MALRD1: variants seen among roughly 807,000 people sequenced by gnomAD.
The protein encoded by MALRD1 is MAM and LDL receptor class A domain containing 1, also known as MAM and LDL-receptor class A domain-containing protein 1.
A neutral mutation model predicts 242.1 loss-of-function variants in MALRD1; 247 were observed. The ratio of observed to expected loss-of-function variants is 1.02; its 90% CI spans 0.92 to 1.13. MALRD1 has a LOEUF of 1.13. Ranked by LOEUF, MALRD1 falls within the 50% of genes most tolerant of loss-of-function variation. The pLI, the probability that MALRD1 is intolerant of heterozygous loss-of-function variation, is 0.00. For synonymous variants in MALRD1, 995 were observed against 866.6 expected, an observed-to-expected ratio of 1.15 and a Z score of -2.60; for missense variants, 2,989 against 2,533.1, an observed-to-expected ratio of 1.18 and a Z score of -3.86.
intron 36 of MALRD1, among the ~76,000 whole-genome samples, chr10:19,623,112 C>T (rs1405693933): frequency 6.6e-6 from 1 of 151,870 alleles, no homozygotes; most frequent in East Asian, 1.9e-4. Flanking sequence ...TTCAATGACT[C>T]AAATGCAATT....
intron 21 of MALRD1, among the ~76,000 whole-genome samples, chr10:19,314,184 A>G (rs1168971664): frequency 6.6e-6 from 1 of 151,598 alleles, no homozygotes; most frequent in Non-Finnish European, 1.5e-5. Flanking sequence ...ATTGGTATGT[A>G]TAACTTATAA....
At chr10:19,200,785 A>C (rs1334042913) in intron 14 of MALRD1, among the ~76,000 whole-genome samples, 1 of 151,474 alleles carries the variant, frequency 6.6e-6, no homozygotes, top group East Asian at 2.0e-4. Context: ...CTCCAGGGGC[A>C]ACTGCTGTGA....
At chr10:19,287,351 G>A (rs922127572) in intron 21 of MALRD1, among the ~76,000 whole-genome samples, 5 of 151,828 alleles carry the variant, frequency 3.3e-5, no homozygotes, top group African/African-American at 1.2e-4. Flanking sequence ...CTATTAAGAG[G>A]AATAAAACCT....
chr10:19,575,483 T>TCACACACACACACACA (rs66882231), intron 33 of MALRD1, among the ~76,000 whole-genome samples: 2 of 148,448 alleles, frequency 1.3e-5, no homozygotes, highest in African/African-American at 5.0e-5. Flanking sequence ...AGGCCATGGT[T>TCACACACACACACACA]CACACACACA....
In MALRD1 at chr10:19,689,991, A is replaced by G. The variant is rs541601152; in HGVS notation, c.6138-2291A>G. ...TACTGAAATCTATTAAAATTTATAG[A>G]AGGTAAATTATCTCGAAAACATGTA... On this transcript the variant is annotated intron_variant, in intron 36 of 39. Transcript: ENST00000454679. Among the ~76,000 whole-genome samples, 5 of 152,212 alleles carry G rather than the reference A, an allele frequency of 3.3e-5. No homozygotes were observed. In the South Asian group the frequency reaches 1.0e-3, roughly 32 times the overall value.
chr10:19,692,788 T>G, intron 38 of MALRD1, among the ~76,000 whole-genome samples: 1 of 44,092 alleles, frequency 2.3e-5, no homozygotes, highest in African/African-American at 7.8e-5. Flanking sequence ...TAGGAGCCTT[T>G]TTGAGGGCGT....
At chr10:19,596,549 T>C (rs1589286301) in intron 34 of MALRD1, among the ~76,000 whole-genome samples, 2 of 151,878 alleles carry the variant, frequency 1.3e-5, no homozygotes, top group African/African-American at 4.8e-5. Context: ...GGCAACATAG[T>C]GAGAACCCAT....
At position 19,380,589 on chromosome 10, in the gene MALRD1, T is replaced by G. The variant is rs571314836; in HGVS notation, c.4442-6939T>G. 3.3e-5 allele frequency among the ~76,000 whole-genome samples: 5 copies of G among 152,226 alleles called. No homozygotes were observed. In the South Asian group the frequency reaches 1.0e-3, roughly 32 times the overall value. ...CAATTTTCTCTTCCTCTTACATTTT[T>G]ATATAGTCTTTACCATAGAAGTTTA... On this transcript the variant is annotated intron_variant, in intron 26 of 39. Transcript: ENST00000454679.
chr10:19,602,854 C>A (rs1362092279), intron 34 of MALRD1, among the ~76,000 whole-genome samples: 1 of 152,030 alleles, frequency 6.6e-6, no homozygotes, highest in African/African-American at 2.4e-5. Flanking sequence ...CTCTCCAGCA[C>A]CTGTTGTTTC....
At chr10:19,066,593 C>T (rs375812049) in intron 1 of MALRD1, 126 bp from the exon 2 acceptor site, 4 of 714,482 alleles carry the variant, frequency 5.6e-6, no homozygotes, top group Non-Finnish European at 5.8e-6. Context: ...TAGACTTAGA[C>T]TTATAAGGAA....
intron 38 of MALRD1, among the ~76,000 whole-genome samples, chr10:19,727,602 C>G (rs1371945831): frequency 1.3e-5 from 2 of 152,100 alleles, no homozygotes; most frequent in Non-Finnish European, 2.9e-5. Context: ...AACTTCCTTT[C>G]CTCTACTCAA....
chr10:19,588,886 G>A (rs1837599193), intron 33 of MALRD1, among the ~76,000 whole-genome samples: 1 of 152,114 alleles, frequency 6.6e-6, no homozygotes, highest in Non-Finnish European at 1.5e-5. Context: ...CAAGTCATCC[G>A]ACCGCCTTGG....
chr10:19,526,727 T>C (rs528657914), intron 31 of MALRD1, among the ~76,000 whole-genome samples: 1 of 152,280 alleles, frequency 6.6e-6, no homozygotes, highest in Admixed American at 6.5e-5. Context: ...ATGACATTGA[T>C]TGTCCTGTGC....
At position 19,352,038 on chromosome 10, in the gene MALRD1, C is replaced by A; in HGVS notation, c.4182C>A (p.Gly1394=). ...IIFHYHMYGN[G]IGALTLMQVS... is the part of the protein sequence containing the mutation. ...TTCATTATCACATGTATGGAAATGG[C>A]ATTGGGGCACTCACCTTAATGCAGG... The change falls in exon 26 of 40, where the codon GGC becomes GGA. Residue 1394 remains glycine, a synonymous_variant. Transcript: ENST00000454679. 6.5e-7 allele frequency: 1 copy of A among 1,549,882 alleles called. No homozygotes were observed. The highest frequency in any genetic ancestry group is 8.7e-7 in the Non-Finnish European group (1 of 1,146,496).
chr10:19,386,947 C>T (rs7073063), intron 26 of MALRD1, among the ~76,000 whole-genome samples: 132,864 of 152,166 alleles, frequency 0.87, 58,245 homozygotes, highest in African/African-American at 0.92. Context: ...CATTGCATTG[C>T]AGAAAAATTG....
At chr10:19,459,785 AATG>A (rs1293853466) in intron 29 of MALRD1, among the ~76,000 whole-genome samples, 3 of 151,050 alleles carry the variant, frequency 2.0e-5, no homozygotes, top group Non-Finnish European at 4.4e-5. Flanking sequence ...ATCATATTAT[AATG>A]ATAAATATTA....
rs1212972207 is a variant in MALRD1, at chr10:19,205,169, C to A, written c.2482C>A (p.His828Asn). 1.3e-6 allele frequency: 2 copies of A among 1,550,820 alleles called. No individual in the cohort carries two copies. Among genetic ancestry groups the A allele is most frequent in the Admixed American group, 2.0e-5 (1 of 50,958 alleles). The change falls in exon 17 of 40, where the codon CAT (histidine) becomes AAT (asparagine). Residue 828 changes from histidine (H) to asparagine (N), a missense_variant. His to Asn is a moderately conservative substitution (Grantham distance 68, BLOSUM62 1). Coordinates refer to ENST00000454679, the MANE Select transcript of MALRD1 (RefSeq NM_001142308.3). The part of the protein sequence containing the change: ...LPAESCEGLD[H>N]FWCRHTRACI... ...TGCTGAGAGCTGTGAAGGGCTGGAT[C>A]ATTTCTGGTGTCGCCACACCAGGGC...
chr10:19,164,182 A>T, intron 12 of MALRD1, among the ~76,000 whole-genome samples: 1 of 135,060 alleles, frequency 7.4e-6, no homozygotes, highest in Non-Finnish European at 1.7e-5. Flanking sequence ...TGAAATAAAC[A>T]ATCAGAATTT....
At chr10:19,319,272 A>G (rs372327592) in intron 21 of MALRD1, among the ~76,000 whole-genome samples, 60 of 152,252 alleles carry the variant, frequency 3.9e-4, no homozygotes, top group African/African-American at 1.3e-3. Context: ...CTTTCATTCC[A>G]AGTATAATCT....
Sources: allele counts gnomAD v4.1 joint callset (sites outside exome capture counted in the v4.1 genomes callset), GRCh38; gene constraint gnomAD v4.1.1; transcripts MANE v1.5; gene names NCBI Gene and HGNC (gene_info 2026-07-23, HGNC 2026-07-21).